DGKG: variants seen among roughly 807,000 people sequenced by gnomAD.
DGKG encodes DAG kinase gamma.
A neutral mutation model predicts 105.3 loss-of-function variants in DGKG; 78 were observed. The ratio of observed to expected loss-of-function variants is 0.74; its 90% CI spans 0.62 to 0.89. The LOEUF is 0.89. Among genes scored for constraint, DGKG ranks in the 40% least tolerant of loss-of-function variants. The pLI is 0.00. For synonymous variants in DGKG, 346 were observed against 367.1 expected, an observed-to-expected ratio of 0.94 and a Z score of 0.66; for missense variants, 958 against 1,020.1, an observed-to-expected ratio of 0.94 and a Z score of 0.83.
chr3:186,167,967 A>T (rs1716632150), intron 22 of DGKG, among the ~76,000 whole-genome samples: 1 of 152,176 alleles, frequency 6.6e-6, no homozygotes, highest in South Asian at 2.1e-4. Flanking sequence ...TGAGTGACTG[A>T]TTCTGCTGGG....
chr3:186,166,037 C>T (rs1230233154), intron 22 of DGKG, among the ~76,000 whole-genome samples: 2 of 152,186 alleles, frequency 1.3e-5, no homozygotes, highest in Non-Finnish European at 2.9e-5. Flanking sequence ...TGGCTTCTGT[C>T]TTCTAAAGTG....
intron 20 of DGKG, among the ~76,000 whole-genome samples, chr3:186,212,950 G>A (rs1249032068): frequency 1.3e-5 from 2 of 152,208 alleles, no homozygotes; most frequent in Non-Finnish European, 2.9e-5. Flanking sequence ...TCTTCAGAGG[G>A]AAGAGGGCTC....
At chr3:186,339,986 A>T (rs920209749) in intron 1 of DGKG, among the ~76,000 whole-genome samples, 2 of 152,220 alleles carry the variant, frequency 1.3e-5, no homozygotes, top group African/African-American at 4.8e-5. Context: ...AAGATAATGA[A>T]TATAGGTTTC....
At chr3:186,310,923 T>C (rs1724511381) in intron 2 of DGKG, among the ~76,000 whole-genome samples, 1 of 145,924 alleles carries the variant, frequency 6.9e-6, no homozygotes, top group Non-Finnish European at 1.5e-5. Flanking sequence ...AAACCGAGGC[T>C]TATGGAATTT....
intron 9 of DGKG, among the ~76,000 whole-genome samples, chr3:186,277,866 G>A (rs1722655823): frequency 6.6e-6 from 1 of 152,130 alleles, no homozygotes; most frequent in African/African-American, 2.4e-5. Flanking sequence ...CTTTTCAGTG[G>A]TTGTATGTGG....
intron 1 of DGKG, among the ~76,000 whole-genome samples, chr3:186,331,152 A>G (rs1560158800): frequency 6.6e-6 from 1 of 152,260 alleles, no homozygotes; most frequent in Non-Finnish European, 1.5e-5. Flanking sequence ...TATGAAGTCA[A>G]GTGAACTATA....
chr3:186,158,444 C>T (rs1329959397), intron 24 of DGKG: 2 of 975,402 alleles, frequency 2.1e-6, no homozygotes, highest in African/African-American at 3.5e-5. Context: ...ATTTTTAAGT[C>T]TCCAAGTGAC....
rs1718964558 is a variant in DGKG, at chr3:186,210,171, T to C, written c.1917+1624A>G. Among the ~76,000 whole-genome samples, 1 of 152,120 alleles carries C rather than the reference T, an allele frequency of 6.6e-6. No homozygotes were observed. Among genetic ancestry groups the C allele is most frequent in the African/African-American group, 2.4e-5 (1 of 41,432 alleles). Reference sequence around the variant, plus strand: ...GAGTTGCTGTATTCTGGGCACAATTTCAAGGCCAGCTGCAGGGAGAACAAG... The same window carrying C: ...GAGTTGCTGTATTCTGGGCACAATTCCAAGGCCAGCTGCAGGGAGAACAAG... On this transcript the variant is annotated intron_variant, in intron 21 of 24. Coordinates refer to ENST00000265022, the MANE Select transcript of DGKG (RefSeq NM_001346.3). The surrounding 1 kb of genome is among the most constrained non-coding windows in gnomAD (Gnocchi z 5.2).
At position 186,284,668 on chromosome 3, in the gene DGKG, C is replaced by T; in HGVS notation, c.586G>A (p.Asp196Asn). The change falls in exon 7 of 25, where the codon GAC (aspartate) becomes AAC (asparagine). Residue 196 changes from aspartate (D) to asparagine (N), a missense_variant. Physicochemically the swap from Asp to Asn is conservative, Grantham distance 23. Around this residue, in one of 2 missense-constraint regions of DGKG, gnomAD observed 643 missense variants for 619.5 expected, o/e 1.04. Transcript: ENST00000265022. This position sits in a 1 kb window ranked among gnomAD's most constrained non-coding sequence, Gnocchi z 4.0. ...LYDSDENGLL[D>N]QAEMDCIVNQ... ...TTAGAGTGAGAACTTACCGCTTGGTCCAGGAGACCGTTCTCATCTGAATCA... is the reference window on the plus strand; with the variant it reads ...TTAGAGTGAGAACTTACCGCTTGGTTCAGGAGACCGTTCTCATCTGAATCA... 6.2e-7 allele frequency: 1 copy of T among 1,613,812 alleles called. No individual in the cohort carries two copies. Among genetic ancestry groups the T allele is most frequent in the Non-Finnish European group, 8.5e-7 (1 of 1,179,768 alleles).
At chr3:186,253,037 T>A (rs372404449) in intron 18 of DGKG, 56 bp downstream of exon 18, 438 of 1,483,954 alleles carry the variant, frequency 3.0e-4, no homozygotes, top group Non-Finnish European at 4.0e-4. Flanking sequence ...CTGTAGAGCA[T>A]CTCTGTAAAC....
intron 20 of DGKG, among the ~76,000 whole-genome samples, chr3:186,229,313 T>C (rs990034420): frequency 1.3e-5 from 2 of 151,728 alleles, no homozygotes; most frequent in African/African-American, 2.4e-5. Context: ...TGATCTCGGC[T>C]CACTGCAACC....
chr3:186,167,173 A>G (rs982113909), intron 22 of DGKG, among the ~76,000 whole-genome samples: 1 of 151,956 alleles, frequency 6.6e-6, no homozygotes, highest in African/African-American at 2.4e-5. Flanking sequence ...GACTGAGGAG[A>G]TTTGTAGGGA....
At chr3:186,250,127 G>A (rs1483988640) in intron 19 of DGKG, among the ~76,000 whole-genome samples, 13 of 152,088 alleles carry the variant, frequency 8.5e-5, no homozygotes, top group African/African-American at 2.4e-4. Context: ...CAAGGGTCTC[G>A]AAGCCTCATC....
chr3:186,320,737 T>C (rs1003484080), intron 1 of DGKG, 30 bp from the exon 2 acceptor site: 25 of 356,954 alleles, frequency 7.0e-5, no homozygotes, highest in African/African-American at 3.4e-4. Context: ...ACATTGTAAA[T>C]GAGAATGTTA....
In DGKG at chr3:186,302,496, A is replaced by ACATATG. The variant is rs1297385994; in HGVS notation, c.145-4268_145-4267insCATATG. Among the ~76,000 whole-genome samples, 39 of 10,194 alleles carry ACATATG rather than the reference A, an allele frequency of 3.8e-3. 1 individual carries two copies. The highest frequency in any genetic ancestry group is 5.1e-3 in the Non-Finnish European group (26 of 5,138). 6.7% of individuals were successfully genotyped at this position (10,194 alleles called of 152,430 possible). On this transcript the variant is annotated intron_variant, in intron 3 of 24. Transcript: ENST00000265022. Reference sequence around the variant, plus strand: ...TATATATATATATATATATATATATATATATATATACATATGTGTATATAT... The same window carrying ACATATG: ...TATATATATATATATATATATATATACATATGTATATATATACATATGTGTATATAT...
chr3:186,315,829 C>G (rs989517400), intron 2 of DGKG, among the ~76,000 whole-genome samples: 5 of 152,188 alleles, frequency 3.3e-5, no homozygotes, highest in Admixed American at 3.3e-4. Flanking sequence ...AATGTGGAGT[C>G]CGTTCCTCTA....
chr3:186,286,721 T>C (rs1414267544), intron 6 of DGKG, among the ~76,000 whole-genome samples: 1 of 152,090 alleles, frequency 6.6e-6, no homozygotes, highest in East Asian at 1.9e-4. Context: ...GAAAACTCTA[T>C]ATGACCAAGT....
chr3:186,334,159 T>C (rs1473692977), intron 1 of DGKG, among the ~76,000 whole-genome samples: 1 of 152,220 alleles, frequency 6.6e-6, no homozygotes, highest in Non-Finnish European at 1.5e-5. Flanking sequence ...CTATCTGTTC[T>C]ATATTAATGC....
chr3:186,191,389 A>G (rs1234352948), intron 21 of DGKG, among the ~76,000 whole-genome samples: 1 of 152,168 alleles, frequency 6.6e-6, no homozygotes, highest in Non-Finnish European at 1.5e-5. Flanking sequence ...CACTGGAGCC[A>G]TATTTGTCTG....
Sources: gnomAD v4.1 joint callset for allele counts (sites outside exome capture counted in the v4.1 genomes callset) on GRCh38, gnomAD v4.1.1 for gene constraint, gnomAD v4.1.1 regional missense constraint, Gnocchi (gnomAD v3.1) non-coding constraint, MANE v1.5 for transcripts, NCBI Gene and HGNC (gene_info 2026-07-23, HGNC 2026-07-21) for gene names.